The following LYPD6B variants were observed in gnomAD, a reference collection of about 807,000 sequenced individuals.
LYPD6B encodes LY6/PLAUR domain containing 6B.
In LYPD6B, 17 loss-of-function variants were observed where a neutral mutation model predicts 22.8. The ratio of observed to expected loss-of-function variants is 0.75; its 90% CI spans 0.51 to 1.12. LYPD6B has a LOEUF of 1.12. Among genes scored for constraint, LYPD6B ranks in the 50% most tolerant of loss-of-function variants. The probability of loss-of-function intolerance (pLI) is 0.00; values close to 1 mark genes in which losing one functional copy is unlikely to be tolerated. For missense variants in LYPD6B, 221 were observed against 258.3 expected, an observed-to-expected ratio of 0.86 and a Z score of 0.99; for synonymous variants, 106 against 91.6, an observed-to-expected ratio of 1.16 and a Z score of -0.90.
chr2:149,094,174 A>C (rs1434888123), intron 1 of LYPD6B, among the ~76,000 whole-genome samples: 2 of 152,220 alleles, frequency 1.3e-5, no homozygotes, highest in Non-Finnish European at 1.5e-5. Flanking sequence ...GTATGAATGA[A>C]TAGACATAAT....
chr2:149,175,097 C>A (rs989868797), intron 3 of LYPD6B, among the ~76,000 whole-genome samples: 39 of 143,002 alleles, frequency 2.7e-4, no homozygotes. Flanking sequence ...AGTCAGGTGT[C>A]ACTTAATGAC....
intron 1 of LYPD6B, among the ~76,000 whole-genome samples, chr2:149,072,482 T>TTTTTTTTTTATTTTATTTTA (rs560532209): frequency 3.8e-5 from 5 of 129,922 alleles, no homozygotes; most frequent in South Asian, 2.6e-4. Flanking sequence ...AGGGTGGTTA[T>TTTTTTTTTTATTTTATTTTA]TTTTATTTTA....
At chr2:149,118,669 A>G (rs1687127960) in intron 1 of LYPD6B, among the ~76,000 whole-genome samples, 1 of 152,250 alleles carries the variant, frequency 6.6e-6, no homozygotes, top group Non-Finnish European at 1.5e-5. Context: ...GCTATGTGCC[A>G]GATATGTCTC....
intron 4 of LYPD6B, 46 bp from the exon 5 acceptor site, chr2:149,208,265 ATTT>A (rs1350970317): frequency 3.5e-6 from 5 of 1,435,150 alleles, no homozygotes; most frequent in Non-Finnish European, 4.9e-6. Context: ...GATGTTCGAA[ATTT>A]TTGTCTTCTG....
chr2:149,057,760 G>A (rs1482387431), intron 1 of LYPD6B, among the ~76,000 whole-genome samples: 1 of 152,186 alleles, frequency 6.6e-6, no homozygotes, highest in African/African-American at 2.4e-5. Flanking sequence ...GAAGAGGAAA[G>A]GGGGTGGAAA....
chr2:149,115,696 C>T (rs1430105992), intron 1 of LYPD6B, among the ~76,000 whole-genome samples: 1 of 152,114 alleles, frequency 6.6e-6, no homozygotes, highest in African/African-American at 2.4e-5. Context: ...AGATATTTAT[C>T]CAGAAGAGGT....
chr2:149,151,587 C>A (rs1030887066), intron 2 of LYPD6B, among the ~76,000 whole-genome samples: 9 of 152,140 alleles, frequency 5.9e-5, no homozygotes, highest in Admixed American at 3.9e-4. Flanking sequence ...TTCACCGCTG[C>A]CTTTTTGCCG....
intron 3 of LYPD6B, among the ~76,000 whole-genome samples, chr2:149,189,342 TTATATATATATA>T (rs770703554): frequency 4.5e-5 from 3 of 66,114 alleles, no homozygotes; most frequent in South Asian, 5.9e-4. Context: ...TTGTCCAAAA[TTATATATATATA>T]TATATATATA....
At chr2:149,115,887 T>C (rs1328674514) in intron 1 of LYPD6B, among the ~76,000 whole-genome samples, 1 of 152,226 alleles carries the variant, frequency 6.6e-6, no homozygotes, top group Non-Finnish European at 1.5e-5. Flanking sequence ...CAGTTCTGAA[T>C]AGTGTGACAC....
chr2:149,169,070 T>A (rs1559048204), intron 3 of LYPD6B, among the ~76,000 whole-genome samples: 1 of 152,148 alleles, frequency 6.6e-6, no homozygotes, highest in Non-Finnish European at 1.5e-5. Context: ...AAAGGGTAAA[T>A]TTGAGTAATG....
At chr2:149,061,416 T>C (rs998121650) in intron 1 of LYPD6B, among the ~76,000 whole-genome samples, 6 of 152,226 alleles carry the variant, frequency 3.9e-5, no homozygotes, top group African/African-American at 1.4e-4. Context: ...TAGGTGACTC[T>C]ATTCCAATAT....
chr2:149,103,548 A>T (rs760796508), intron 1 of LYPD6B, among the ~76,000 whole-genome samples: 2 of 152,118 alleles, frequency 1.3e-5, no homozygotes, highest in African/African-American at 2.4e-5. Context: ...AAGTTTGGAC[A>T]TATGTAGTAT....
At chr2:149,094,398 A>G (rs984882034) in intron 1 of LYPD6B, among the ~76,000 whole-genome samples, 1 of 152,230 alleles carries the variant, frequency 6.6e-6, no homozygotes, top group Non-Finnish European at 1.5e-5. Context: ...GTGTGCATAA[A>G]GATCATAATT....
At chr2:149,061,415 C>G (rs1684073787) in intron 1 of LYPD6B, among the ~76,000 whole-genome samples, 1 of 152,128 alleles carries the variant, frequency 6.6e-6, no homozygotes, top group Non-Finnish European at 1.5e-5. Flanking sequence ...TTAGGTGACT[C>G]TATTCCAATA....
intron 1 of LYPD6B, among the ~76,000 whole-genome samples, chr2:149,095,523 A>G (rs554473126): frequency 2.8e-4 from 42 of 152,332 alleles, no homozygotes; most frequent in African/African-American, 9.9e-4. Flanking sequence ...ATCAAACAAT[A>G]AAAATTATTT....
intron 1 of LYPD6B, among the ~76,000 whole-genome samples, chr2:149,070,909 A>G (rs916791158): frequency 6.6e-6 from 1 of 152,250 alleles, no homozygotes; most frequent in Non-Finnish European, 1.5e-5. Flanking sequence ...GATTTCTGGA[A>G]GGGAAATGAC....
chr2:149,071,121 C>T (rs1182245018), intron 1 of LYPD6B, among the ~76,000 whole-genome samples: 3 of 152,196 alleles, frequency 2.0e-5, no homozygotes, highest in East Asian at 1.9e-4. Flanking sequence ...GAATGTAAAA[C>T]GCGGCTTGGC....
intron 1 of LYPD6B, among the ~76,000 whole-genome samples, chr2:149,090,203 G>C (rs564931697): frequency 1.3e-5 from 2 of 152,312 alleles, no homozygotes; most frequent in Admixed American, 6.5e-5. Flanking sequence ...GAAAGACTTT[G>C]TATTTCAGAA....
At chr2:149,094,339 C>T (rs192049142) in intron 1 of LYPD6B, among the ~76,000 whole-genome samples, 16 of 152,288 alleles carry the variant, frequency 1.1e-4, no homozygotes, top group South Asian at 8.3e-4. Context: ...AGCCTTGTAA[C>T]TTAGTTTCTG....
Sources: allele counts gnomAD v4.1 joint callset (sites outside exome capture counted in the v4.1 genomes callset), GRCh38; gene constraint gnomAD v4.1.1; transcripts MANE v1.5; gene names NCBI Gene and HGNC (gene_info 2026-07-23, HGNC 2026-07-21).